Variants in NTAN1 observed in about 807,000 individuals in gnomAD.
NTAN1 encodes the protein protein N-terminal asparagine amidohydrolase.
Under a neutral mutation model 41.9 loss-of-function variants are expected in NTAN1, and 32 were observed. That is an observed-to-expected ratio of 0.76 (90% CI 0.58 to 1.03). NTAN1 has a LOEUF of 1.03. Ranked by LOEUF, NTAN1 falls within the 50% of genes least tolerant of loss-of-function variation. The probability of loss-of-function intolerance (pLI) is 0.00; values close to 1 mark genes in which losing one functional copy is unlikely to be tolerated. For missense variants in NTAN1, 377 were observed against 377.5 expected, an observed-to-expected ratio of 1.00 and a Z score of 0.01; for synonymous variants, 140 against 139.5, an observed-to-expected ratio of 1.00 and a Z score of -0.03.
intron 8 of NTAN1, among the ~76,000 whole-genome samples, chr16:15,039,426 C>T (rs1335795647): frequency 6.6e-6 from 1 of 152,218 alleles, no homozygotes; most frequent in Non-Finnish European, 1.5e-5. Flanking sequence ...AGAATTCTTT[C>T]ACCCATTCCT....
chr16:15,055,041 C>T (rs1008700543), intron 1 of NTAN1, among the ~76,000 whole-genome samples: 2 of 152,132 alleles, frequency 1.3e-5, no homozygotes, highest in Non-Finnish European at 2.9e-5. Flanking sequence ...AGACTATAAA[C>T]ACTCCGAGGG....
intron 5 of NTAN1, among the ~76,000 whole-genome samples, chr16:15,042,477 A>G (rs2043859854): frequency 6.6e-6 from 1 of 152,160 alleles, no homozygotes; most frequent in South Asian, 2.1e-4. Context: ...GGAATGAGCC[A>G]CTGCGCCCAG....
At position 15,047,507 on chromosome 16, in the gene NTAN1, G is replaced by A. The variant is rs1163191549; in HGVS notation, c.294C>T (p.Thr98=). The change falls in exon 4 of 10, where the codon ACC becomes ACT. Residue 98 remains threonine, a synonymous_variant. Coordinates refer to ENST00000287706, the MANE Select transcript of NTAN1 (RefSeq NM_173474.4). ...TCLTHCDGTD[T]KAEVPLIMNS... is the part of the protein sequence containing the mutation. ...TCATGATCAAGGGGACCTCAGCTTTGGTGTCGGTTCCGTCACAATGTGTCA... is the reference window on the plus strand; with the variant it reads ...TCATGATCAAGGGGACCTCAGCTTTAGTGTCGGTTCCGTCACAATGTGTCA... The A allele has an allele frequency of 1.2e-6, 2 of 1,613,918 alleles. No individual in the cohort carries two copies. The highest frequency in any genetic ancestry group is 8.5e-7 in the Non-Finnish European group (1 of 1,179,916).
intron 1 of NTAN1, among the ~76,000 whole-genome samples, chr16:15,051,886 G>C (rs2044306918): frequency 6.6e-6 from 1 of 151,908 alleles, no homozygotes; most frequent in Non-Finnish European, 1.5e-5. Context: ...GCTCTTTTAA[G>C]TAGTAAAAAG....
At chr16:15,054,053 T>G (rs575216273) in intron 1 of NTAN1, among the ~76,000 whole-genome samples, 96 of 152,230 alleles carry the variant, frequency 6.3e-4, no homozygotes, top group Non-Finnish European at 1.2e-3. Flanking sequence ...TTACTTTCCA[T>G]GCTTCCCCTC....
chr16:15,046,488 T>C (rs2044068748), intron 4 of NTAN1, among the ~76,000 whole-genome samples: 5 of 152,104 alleles, frequency 3.3e-5, no homozygotes, highest in Admixed American at 3.3e-4. Context: ...TGCCCGTCTC[T>C]GTCAAATGGA....
At chr16:15,047,331 C>T in intron 4 of NTAN1, 111 bp downstream of exon 4, 1 of 744,296 alleles carries the variant, frequency 1.3e-6, no homozygotes, top group African/African-American at 1.7e-5. Flanking sequence ...GGGAACGAGG[C>T]AGACACGGCA....
At chr16:15,042,185 CTT>C (rs34790085) in intron 5 of NTAN1, among the ~76,000 whole-genome samples, 37,310 of 134,866 alleles carry the variant, frequency 0.28, 4,530 homozygotes, top group Admixed American at 0.4. Flanking sequence ...AATTTTATAT[CTT>C]TTTTTTTTTT....
rs9331444 is a variant in NTAN1, at chr16:15,046,697, C to CA, written c.359+744dup. Among the ~76,000 whole-genome samples, 411 of 43,626 alleles carry CA rather than the reference C, an allele frequency of 9.4e-3. 34 individuals carry two copies. The highest frequency in any genetic ancestry group is 0.032 in the African/African-American group (330 of 10,382). 28.6% of individuals were successfully genotyped at this position (43,626 alleles called of 152,430 possible). On this transcript the variant is annotated intron_variant, in intron 4 of 9. Coordinates refer to ENST00000287706, the MANE Select transcript of NTAN1 (RefSeq NM_173474.4). ...CAACTTGGCAAAACCCTGTCTCTAC[C>CA]AAAAAAAAAAAAAAAAAAAAAAAAA...
Position 15,056,039 on chromosome 16 carries a change from C to G in NTAN1, c.-68G>C. ...CCCCGCTTTGCAGCCCCGGGCCGCC[C>G]GCCGCCCCCGCCCCTCGGGCCGCGC... On this transcript the variant is annotated 5_prime_UTR_variant, in exon 1 of 10. Transcript: ENST00000287706. The G allele has an allele frequency of 1.5e-6, 1 of 681,372 alleles. No individual in the cohort carries two copies. Among genetic ancestry groups the G allele is most frequent in the Admixed American group, 5.4e-5 (1 of 18,396 alleles). The allele number at this position is 681,372 out of a possible 1,614,324, so 42.2% of individuals were successfully genotyped here.
rs1213388314 is a variant in NTAN1 at position 15,041,072 on chromosome 16, G to A, written c.537C>T (p.Gly179=). 4 of 1,596,282 alleles carry A rather than the reference G, an allele frequency of 2.5e-6. No homozygotes were observed. Among genetic ancestry groups the A allele is most frequent in the Non-Finnish European group, 1.7e-6 (2 of 1,163,730 alleles). The change falls in exon 7 of 10, where the codon GGC becomes GGT. Residue 179 remains glycine, a synonymous_variant. Coordinates refer to ENST00000287706, the MANE Select transcript of NTAN1 (RefSeq NM_173474.4). ...CAAAAGATGCACACTACTTACCAAT[G>A]CCATATATTACTGGAAAGTGGTTTT... ...ENENHFPVIY[G]IAVNIKTAEI...
At chr16:15,054,081 G>A (rs1033155654) in intron 1 of NTAN1, among the ~76,000 whole-genome samples, 1 of 152,138 alleles carries the variant, frequency 6.6e-6, no homozygotes, top group African/African-American at 2.4e-5. Flanking sequence ...GGGCTGCTCC[G>A]GAGAAACTGG....
chr16:15,039,023 G>A (rs746790767), intron 8 of NTAN1, among the ~76,000 whole-genome samples: 4 of 152,108 alleles, frequency 2.6e-5, no homozygotes, highest in Non-Finnish European at 4.4e-5. Context: ...TCAAACCCAG[G>A]CGCTTCTGAC....
rs146709224 is a variant in NTAN1 at position 15,040,120 on chromosome 16, C to T, written c.542-54G>A. ...TTGACAAAAGACCAAAGCGGAAAGT[C>T]TGCACAGTCTTACATTTCTACCACC... On this transcript the variant is annotated intron_variant, in intron 7 of 9. Transcript: ENST00000287706. 76 of 969,506 alleles carry T rather than the reference C, an allele frequency of 7.8e-5. No individual in the cohort carries two copies. The East Asian group carries it at 1.8e-3, about 23-fold the overall frequency. The allele number at this position is 969,506 out of a possible 1,614,324, so 60.1% of individuals were successfully genotyped here. A position where few individuals can be genotyped will look rare whatever the true frequency, so the allele number is the denominator to read the frequency against.
intron 5 of NTAN1, among the ~76,000 whole-genome samples, chr16:15,042,718 C>CTACTTATTTATTTATT (rs2043871657): frequency 6.8e-6 from 1 of 147,004 alleles, no homozygotes; most frequent in Admixed American, 6.9e-5. Context: ...AAAGGATGAA[C>CTACTTATTTATTTATT]TATTTATTTA....
At chr16:15,043,445 G>A (rs1234965695) in intron 5 of NTAN1, among the ~76,000 whole-genome samples, 9 of 152,238 alleles carry the variant, frequency 5.9e-5, no homozygotes, top group African/African-American at 2.2e-4. Flanking sequence ...GGGAGGCTGA[G>A]GAGGGAGGAT....
intron 5 of NTAN1, among the ~76,000 whole-genome samples, chr16:15,043,715 C>A (rs142078442): frequency 6.6e-6 from 1 of 152,080 alleles, no homozygotes; most frequent in Non-Finnish European, 1.5e-5. Flanking sequence ...TTTAAGAGGC[C>A]GAGGCAGGTG....
Position 15,047,953 on chromosome 16 carries a change from A to G in NTAN1, c.185-33T>C, listed in dbSNP as rs537236749. 5 of 1,605,418 alleles carry G rather than the reference A, an allele frequency of 3.1e-6. No individual in the cohort carries two copies. In the South Asian group the frequency reaches 3.3e-5, roughly 11 times the overall value. ...AAAAAGAAATAAAATAAAATATCCAATAGCCTTTTGGGATAACGCCCAATT... is the reference window on the plus strand; with the variant it reads ...AAAAAGAAATAAAATAAAATATCCAGTAGCCTTTTGGGATAACGCCCAATT... On this transcript the variant is annotated intron_variant, in intron 2 of 9. Coordinates refer to ENST00000287706, the MANE Select transcript of NTAN1 (RefSeq NM_173474.4).
At chr16:15,054,691 A>T (rs2044431405) in intron 1 of NTAN1, among the ~76,000 whole-genome samples, 1 of 152,180 alleles carries the variant, frequency 6.6e-6, no homozygotes, top group African/African-American at 2.4e-5. Flanking sequence ...TTCAGGGGTC[A>T]TTTTGTGACC....
Sources: gnomAD v4.1 joint callset for allele counts (sites outside exome capture counted in the v4.1 genomes callset) on GRCh38, gnomAD v4.1.1 for gene constraint, MANE v1.5 for transcripts, NCBI Gene and HGNC (gene_info 2026-07-23, HGNC 2026-07-21) for gene names.